Variants in SCEL observed in about 807,000 individuals in gnomAD.
SCEL encodes sciellin.
In SCEL, 113 loss-of-function variants were observed where a neutral mutation model predicts 117.6. The ratio of observed to expected loss-of-function variants is 0.96; its 90% CI spans 0.83 to 1.12. The LOEUF (loss-of-function observed/expected upper bound fraction) is 1.12, where lower values mean the gene tolerates loss of function less well. Ranked by LOEUF, SCEL falls within the 50% of genes most tolerant of loss-of-function variation. The pLI, the probability that SCEL is intolerant of heterozygous loss-of-function variation, is 0.00. For missense variants in SCEL, 785 were observed against 810.8 expected (o/e 0.97, Z 0.39); for synonymous variants, 270 against 256.2 (o/e 1.05, Z -0.51).
chr13:77,602,776 T>C, intron 17 of SCEL, 63 bp downstream of exon 17: 1 of 1,389,626 alleles, frequency 7.2e-7, no homozygotes, highest in Non-Finnish European at 1.0e-6. Flanking sequence ...TATGTGATAT[T>C]GAGGGCACCA....
At position 77,576,787 on chromosome 13, in the gene SCEL, A is replaced by G. The variant is rs547877266; in HGVS notation, c.545+4598A>G. ...TTCATGAACATGGAATGTTTTTCCA[A>G]TTTTTTGTGTCCTCTCTGATTTCTT... On this transcript the variant is annotated intron_variant, in intron 9 of 32. Transcript: ENST00000349847. Among the ~76,000 whole-genome samples the G allele has an allele frequency of 2.6e-5, 4 of 152,134 alleles. No homozygotes were observed. In the East Asian group the frequency reaches 7.7e-4, roughly 29 times the overall value.
intron 3 of SCEL, among the ~76,000 whole-genome samples, chr13:77,557,153 A>C (rs2084706849): frequency 6.6e-6 from 1 of 152,256 alleles, no homozygotes; most frequent in Non-Finnish European, 1.5e-5. Flanking sequence ...AAATTTAAAA[A>C]ATTACCGACT....
At chr13:77,612,595 T>C (rs905466974) in intron 22 of SCEL, among the ~76,000 whole-genome samples, 6 of 151,500 alleles carry the variant, frequency 4.0e-5, no homozygotes, top group Non-Finnish European at 8.8e-5. Context: ...CAGAAAATAT[T>C]ATAAATGGTT....
intron 10 of SCEL, among the ~76,000 whole-genome samples, chr13:77,590,385 G>A (rs1260066173): frequency 6.6e-6 from 1 of 151,966 alleles, no homozygotes; most frequent in Non-Finnish European, 1.5e-5. Context: ...ATAACTTTTT[G>A]TTTGTATGAT....
In SCEL at chr13:77,634,456, C is replaced by A. The variant is rs772437693; in HGVS notation, c.1763+6C>A. On this transcript the variant is annotated splice_donor_region_variant and intron_variant, in intron 29 of 32. Coordinates refer to ENST00000349847, the MANE Select transcript of SCEL (RefSeq NM_144777.3). Reference sequence around the variant, plus strand: ...AGGACATATGTGGAGAATAGGTATTCAAAATTTATTTCAAATATATTGCTT... The same window carrying A: ...AGGACATATGTGGAGAATAGGTATTAAAAATTTATTTCAAATATATTGCTT... 12 of 1,594,906 alleles carry A rather than the reference C, an allele frequency of 7.5e-6. No homozygotes were observed. The South Asian group carries it at 1.3e-4, about 18-fold the overall frequency.
chr13:77,546,649 G>A (rs542960413), intron 1 of SCEL, among the ~76,000 whole-genome samples: 1 of 151,496 alleles, frequency 6.6e-6, no homozygotes, highest in Non-Finnish European at 1.5e-5. Context: ...TAGTGACATG[G>A]AGGAAGAGCA....
At chr13:77,625,886 G>A (rs760190649) in intron 27 of SCEL, among the ~76,000 whole-genome samples, 13 of 152,126 alleles carry the variant, frequency 8.5e-5, no homozygotes, top group Non-Finnish European at 1.8e-4. Context: ...CCAAAGATGT[G>A]ACAATTTAGG....
intron 13 of SCEL, among the ~76,000 whole-genome samples, chr13:77,597,983 A>G (rs941519134): frequency 8.7e-5 from 13 of 150,234 alleles, no homozygotes; most frequent in African/African-American, 3.3e-4. Flanking sequence ...ATTTTTTGAG[A>G]CAGAGTCTTA....
chr13:77,632,542 C>T (rs182847966), intron 28 of SCEL, among the ~76,000 whole-genome samples: 14 of 152,298 alleles, frequency 9.2e-5, no homozygotes, highest in East Asian at 7.7e-4. Context: ...TAAAACCAGA[C>T]GGTTTTCTGT....
In SCEL at chr13:77,602,127, A is replaced by G. The variant is rs1236491170; in HGVS notation, c.977+3A>G. 1 of 1,609,814 alleles carries G rather than the reference A, an allele frequency of 6.2e-7. No homozygotes were observed. The highest frequency in any genetic ancestry group is 1.3e-5 in the African/African-American group (1 of 74,692). On this transcript the variant is annotated splice_donor_region_variant and intron_variant, in intron 16 of 32. Coordinates refer to ENST00000349847, the MANE Select transcript of SCEL (RefSeq NM_144777.3). ...AGGACTGACAAAAATGAGAAAGGGT[A>G]AGTCAATCTCCTACCTTGATGGAGC...
rs1394273900 is a variant in SCEL, at chr13:77,637,377, T to TATATACATATATAAAC, written c.1838+198_1838+199insCATATACATATATAAA. 2.6e-3 allele frequency among the ~76,000 whole-genome samples: 355 copies of TATATACATATATAAAC among 138,174 alleles called. 1 individual carries two copies. Among genetic ancestry groups the TATATACATATATAAAC allele is most frequent in the African/African-American group, 8.8e-3 (331 of 37,522 alleles). 90.6% of individuals were successfully genotyped at this position (138,174 alleles called of 152,430 possible). A position where few individuals can be genotyped will look rare whatever the true frequency, so the allele number is the denominator to read the frequency against. On this transcript the variant is annotated intron_variant, in intron 30 of 32. Transcript: ENST00000349847. ...ATAAACATATATACATATATAAACA[T>TATATACATATATAAAC]ATATACATATATAAATATATATACA...
At chr13:77,631,774 C>T (rs1157687613) in intron 28 of SCEL, among the ~76,000 whole-genome samples, 1 of 152,220 alleles carries the variant, frequency 6.6e-6, no homozygotes, top group Non-Finnish European at 1.5e-5. Flanking sequence ...TCCATGAAGG[C>T]ATTGTCATTA....
At chr13:77,542,942 T>C (rs573264563) in intron 1 of SCEL, among the ~76,000 whole-genome samples, 4 of 152,208 alleles carry the variant, frequency 2.6e-5, no homozygotes, top group Admixed American at 6.5e-5. Flanking sequence ...AAACAAGTAG[T>C]GGTGGGGTTG....
intron 1 of SCEL, among the ~76,000 whole-genome samples, chr13:77,543,319 G>C (rs925425986): frequency 6.6e-6 from 1 of 151,024 alleles, no homozygotes; most frequent in African/African-American, 2.4e-5. Flanking sequence ...TCCTGACCTC[G>C]TGATCCGCCC....
intron 28 of SCEL, among the ~76,000 whole-genome samples, chr13:77,629,273 G>A (rs2146875): frequency 1 from 151,579 of 152,286 alleles, 75,437 homozygotes; most frequent in East Asian, 1. Context: ...TTTGTTACTA[G>A]TGGAACTCAG....
At chr13:77,581,275 C>T (rs1289744940) in intron 9 of SCEL, among the ~76,000 whole-genome samples, 1 of 152,086 alleles carries the variant, frequency 6.6e-6, no homozygotes, top group African/African-American at 2.4e-5. Context: ...AAATATTAGC[C>T]TGAGTTTAAG....
In SCEL at chr13:77,644,890, T is replaced by G. The variant is rs2090719470; in HGVS notation, c.*616T>G. 6.6e-6 allele frequency: 1 copy of G among 152,344 alleles called. No individual in the cohort carries two copies. The highest frequency in any genetic ancestry group is 1.5e-5 in the Non-Finnish European group (1 of 68,148). 9.4% of individuals were successfully genotyped at this position (152,344 alleles called of 1,614,324 possible). A position where few individuals can be genotyped will look rare whatever the true frequency, so the allele number is the denominator to read the frequency against. On this transcript the variant is annotated 3_prime_UTR_variant, in exon 33 of 33. Coordinates refer to ENST00000349847, the MANE Select transcript of SCEL (RefSeq NM_144777.3). ...CCAAATTCTCTGATTCTAAAGCAGT[T>G]TTTAGAATCATTAGCTCTTTGGAAA...
At chr13:77,565,400 C>T (rs1329753627) in intron 5 of SCEL, among the ~76,000 whole-genome samples, 3 of 152,060 alleles carry the variant, frequency 2.0e-5, no homozygotes, top group Non-Finnish European at 4.4e-5. Context: ...TAGCTCAAGC[C>T]CTTCATTTTA....
rs901983763 is a variant in SCEL, at chr13:77,637,267, T to TAC, written c.1838+83_1838+84dup. Reference sequence around the variant, plus strand: ...ACACACACACATATATATATATATATACACACACACAGGCACACACACATA... The same window carrying TAC: ...ACACACACACATATATATATATATATACACACACACACAGGCACACACACATA... On this transcript the variant is annotated intron_variant, in intron 30 of 32. Transcript: ENST00000349847. The TAC allele has an allele frequency of 1.6e-4, 62 of 388,562 alleles. 1 individual carries two copies. The highest frequency in any genetic ancestry group is 1.9e-4 in the Non-Finnish European group (41 of 221,358). 24.1% of individuals were successfully genotyped at this position (388,562 alleles called of 1,614,324 possible). A position where few individuals can be genotyped will look rare whatever the true frequency, so the allele number is the denominator to read the frequency against.
Sources: allele counts gnomAD v4.1 joint callset (sites outside exome capture counted in the v4.1 genomes callset), GRCh38; gene constraint gnomAD v4.1.1; transcripts MANE v1.5; gene names NCBI Gene and HGNC (gene_info 2026-07-23, HGNC 2026-07-21).